DGKG: variants seen among roughly 807,000 people sequenced by gnomAD.
The protein encoded by DGKG is DAG kinase gamma.
Under a neutral mutation model 105.3 loss-of-function variants are expected in DGKG, and 78 were observed. The ratio of observed to expected loss-of-function variants is 0.74; its 90% CI spans 0.62 to 0.89. DGKG has a LOEUF of 0.89. DGKG is among the 40% of genes least tolerant of loss of function. The probability of loss-of-function intolerance (pLI) is 0.00; values close to 1 mark genes in which losing one functional copy is unlikely to be tolerated. For synonymous variants in DGKG, 346 were observed against 367.1 expected, an observed-to-expected ratio of 0.94 and a Z score of 0.66; for missense variants, 958 against 1,020.1, an observed-to-expected ratio of 0.94 and a Z score of 0.83.
In DGKG at chr3:186,148,028, C is replaced by G; in HGVS notation, c.*2062G>C. Reference sequence around the variant, plus strand: ...GTTAAGTGCCATTTGTACACACAATCTTAATATTCCCTTCTTTGTCCAAAG... The same window carrying G: ...GTTAAGTGCCATTTGTACACACAATGTTAATATTCCCTTCTTTGTCCAAAG... On this transcript the variant is annotated 3_prime_UTR_variant, in exon 25 of 25. Transcript: ENST00000265022. The G allele has an allele frequency of 2.0e-6, 2 of 985,464 alleles. No homozygotes were observed. Among genetic ancestry groups the G allele is most frequent in the Non-Finnish European group, 2.4e-6 (2 of 829,956 alleles). The allele number at this position is 985,464 out of a possible 1,614,324, so 61.0% of individuals were successfully genotyped here.
chr3:186,277,545 C>A (rs1722642074), intron 9 of DGKG, among the ~76,000 whole-genome samples: 2 of 152,226 alleles, frequency 1.3e-5, no homozygotes, highest in South Asian at 4.1e-4. Context: ...CACTCTTCAG[C>A]AGACTTCTTC....
intron 1 of DGKG, among the ~76,000 whole-genome samples, chr3:186,321,787 GA>G (rs1725089979): frequency 6.6e-6 from 1 of 152,072 alleles, no homozygotes; most frequent in Admixed American, 6.6e-5. Flanking sequence ...AGATGCTGGA[GA>G]GAGAGAGATT....
chr3:186,251,699 G>T, intron 19 of DGKG, 60 bp downstream of exon 19: 2 of 1,597,232 alleles, frequency 1.3e-6, no homozygotes, highest in Non-Finnish European at 1.7e-6. Context: ...ACAACAGAAG[G>T]CTGGAACCCT....
rs540038371 is a variant in DGKG at position 186,245,923 on chromosome 3, C to T, written c.1762-3355G>A. On this transcript the variant is annotated intron_variant, in intron 19 of 24. Coordinates refer to ENST00000265022, the MANE Select transcript of DGKG (RefSeq NM_001346.3). ...AACAAAAAACAAACAAACAAAAAAA[C>T]AACAACAACAAAAAAAAACAGATGA... Among the ~76,000 whole-genome samples, 3 of 139,464 alleles carry T rather than the reference C, an allele frequency of 2.2e-5. No homozygotes were observed. In the South Asian group the frequency reaches 6.3e-4, roughly 29 times the overall value. The allele number at this position is 139,464 out of a possible 152,430, so 91.5% of individuals were successfully genotyped here. A position where few individuals can be genotyped will look rare whatever the true frequency, so the allele number is the denominator to read the frequency against.
chr3:186,158,254 T>C (rs894641323), intron 24 of DGKG: 1 of 729,252 alleles, frequency 1.4e-6, no homozygotes, highest in African/African-American at 1.9e-5. Context: ...TTAGTATTAT[T>C]CATTACATTT....
chr3:186,222,379 T>C (rs754950541), intron 20 of DGKG, among the ~76,000 whole-genome samples: 5 of 152,180 alleles, frequency 3.3e-5, no homozygotes, highest in Non-Finnish European at 5.9e-5. Flanking sequence ...TTACTGGAGC[T>C]GAAGGAGTTC....
rs1727260514 is a variant in DGKG, at chr3:186,362,152, G to A, written c.-455C>T. 1 of 152,354 alleles carries A rather than the reference G, an allele frequency of 6.6e-6. No individual in the cohort carries two copies. The highest frequency in any genetic ancestry group is 2.4e-5 in the African/African-American group (1 of 41,428). The allele number at this position is 152,354 out of a possible 1,614,324, so 9.4% of individuals were successfully genotyped here. On this transcript the variant is annotated 5_prime_UTR_variant, in exon 1 of 25. Transcript: ENST00000265022. ...AGACCAGGCTGCCAGGCTGTGGTTGGTAGCGCCGGGGTCTTCACCCTGTGC... is the reference window on the plus strand; with the variant it reads ...AGACCAGGCTGCCAGGCTGTGGTTGATAGCGCCGGGGTCTTCACCCTGTGC...
At chr3:186,312,702 T>G (rs900990373) in intron 2 of DGKG, among the ~76,000 whole-genome samples, 3 of 152,228 alleles carry the variant, frequency 2.0e-5, no homozygotes, top group Admixed American at 6.5e-5. Flanking sequence ...CATTTTCTAA[T>G]TACTCTAGGA....
intron 1 of DGKG, among the ~76,000 whole-genome samples, chr3:186,334,376 G>C (rs1342440103): frequency 6.6e-6 from 1 of 152,114 alleles, no homozygotes; most frequent in African/African-American, 2.4e-5. Flanking sequence ...TGGATTTACT[G>C]GTTCATTCCA....
chr3:186,280,653 T>TC lies in DGKG; in HGVS notation c.669+16dup. 1 of 1,608,494 alleles carries TC rather than the reference T, an allele frequency of 6.2e-7. No homozygotes were observed. The highest frequency in any genetic ancestry group is 8.5e-7 in the Non-Finnish European group (1 of 1,175,022). On this transcript the variant is annotated intron_variant, in intron 8 of 24. Coordinates refer to ENST00000265022, the MANE Select transcript of DGKG (RefSeq NM_001346.3). The stretch of plus-strand genomic sequence containing the variant: ...AGAAGCTCACTCCAAAGCCACCCCA[T>TC]CCTTATAGAAACTCACAGGCCTCAG...
rs1330069158 is a variant in DGKG at position 186,210,980 on chromosome 3, G to T, written c.1917+815C>A. ...AGGAGCTGTCCTCATGGCAATCAATGAGAGGGCTTCCGGAGCGAAGCCCAG... is the reference window on the plus strand; with the variant it reads ...AGGAGCTGTCCTCATGGCAATCAATTAGAGGGCTTCCGGAGCGAAGCCCAG... On this transcript the variant is annotated intron_variant, in intron 21 of 24. Coordinates refer to ENST00000265022, the MANE Select transcript of DGKG (RefSeq NM_001346.3). The surrounding 1 kb of genome is among the most constrained non-coding windows in gnomAD (Gnocchi z 5.2). 6.6e-6 allele frequency among the ~76,000 whole-genome samples: 1 copy of T among 152,204 alleles called. No homozygotes were observed. Among genetic ancestry groups the T allele is most frequent in the Non-Finnish European group, 1.5e-5 (1 of 68,046 alleles).
At chr3:186,196,562 G>T (rs1017701618) in intron 21 of DGKG, among the ~76,000 whole-genome samples, 3 of 152,176 alleles carry the variant, frequency 2.0e-5, no homozygotes, top group Non-Finnish European at 4.4e-5. Context: ...TAAGGGAATG[G>T]CCCAATGTTA....
intron 20 of DGKG, among the ~76,000 whole-genome samples, chr3:186,223,500 C>A (rs1402099047): frequency 6.6e-6 from 1 of 152,118 alleles, no homozygotes; most frequent in Non-Finnish European, 1.5e-5. Context: ...GTTTCCCTTA[C>A]CTTTCCCATC....
intron 12 of DGKG, 69 bp from the exon 13 acceptor site, chr3:186,267,846 G>A: frequency 6.8e-7 from 1 of 1,468,754 alleles, no homozygotes; most frequent in South Asian, 1.1e-5. Context: ...AAGGTGGAGA[G>A]GTTTGGGGGA....
intron 2 of DGKG, chr3:186,313,589 A>G: frequency 1.1e-6 from 1 of 896,060 alleles, no homozygotes; most frequent in East Asian, 1.2e-4. Context: ...CAGCAGCATC[A>G]GCATCACCTG....
Position 186,280,659 on chromosome 3 carries a change from T to C in DGKG, c.669+11A>G, listed in dbSNP as rs545411725. 28 of 1,612,012 alleles carry C rather than the reference T, an allele frequency of 1.7e-5. No homozygotes were observed. In the South Asian group the frequency reaches 2.1e-4, roughly 12 times the overall value. Reference sequence around the variant, plus strand: ...TCACTCCAAAGCCACCCCATCCTTATAGAAACTCACAGGCCTCAGCTCTGT... The same window carrying C: ...TCACTCCAAAGCCACCCCATCCTTACAGAAACTCACAGGCCTCAGCTCTGT... On this transcript the variant is annotated intron_variant, in intron 8 of 24. Coordinates refer to ENST00000265022, the MANE Select transcript of DGKG (RefSeq NM_001346.3).
At chr3:186,317,967 T>C (rs1407068758) in intron 2 of DGKG, among the ~76,000 whole-genome samples, 1 of 152,136 alleles carries the variant, frequency 6.6e-6, no homozygotes, top group Non-Finnish European at 1.5e-5. Flanking sequence ...ACAGATTCAG[T>C]CTGCAAGGTA....
intron 1 of DGKG, among the ~76,000 whole-genome samples, chr3:186,328,341 G>T (rs1035745591): frequency 6.6e-6 from 1 of 152,136 alleles, no homozygotes; most frequent in African/African-American, 2.4e-5. Flanking sequence ...ATACAAGCTG[G>T]CAAGAGAAGT....
intron 21 of DGKG, among the ~76,000 whole-genome samples, chr3:186,197,753 C>A (rs1173756136): frequency 6.6e-6 from 1 of 152,146 alleles, no homozygotes; most frequent in Non-Finnish European, 1.5e-5. Flanking sequence ...CTGAATTCTG[C>A]ATAGAGGCCA....
Sources: gnomAD v4.1 joint callset for allele counts (sites outside exome capture counted in the v4.1 genomes callset) on GRCh38, gnomAD v4.1.1 for gene constraint, Gnocchi (gnomAD v3.1) non-coding constraint, MANE v1.5 for transcripts, NCBI Gene and HGNC (gene_info 2026-07-23, HGNC 2026-07-21) for gene names.